XRN1: variants seen among roughly 807,000 people sequenced by gnomAD.
XRN1 encodes 5'-3' exoribonuclease 1, also known as strand-exchange protein 1 homolog.
A neutral mutation model predicts 222.3 loss-of-function variants in XRN1; 67 were observed. The ratio of observed to expected loss-of-function variants is 0.30; its 90% CI spans 0.25 to 0.37. The LOEUF is 0.37. Among genes scored for constraint, XRN1 ranks in the 10% least tolerant of loss-of-function variants. XRN1 has a pLI of 1.00. For missense variants in XRN1, 1,707 were observed against 2,000.2 expected (o/e 0.85, Z 2.80); for synonymous variants, 643 against 652.4 (o/e 0.99, Z 0.22).
rs78622572 is a variant in XRN1 at position 142,351,759 on chromosome 3, G to C, written c.3768+3642C>G. On this transcript the variant is annotated intron_variant, in intron 32 of 40. Coordinates refer to ENST00000392981, the MANE Select transcript of XRN1 (RefSeq NM_001282857.2). ...CTAAGTATTACTAATCTATATCTCT[G>C]ATTTGAACCTCAGTCAAGATTTAAT... is the stretch of plus-strand genomic sequence containing the variant. Among the ~76,000 whole-genome samples the C allele has an allele frequency of 8.7e-3, 1,322 of 151,814 alleles. 24 individuals are homozygous for C. The highest frequency in any genetic ancestry group is 0.029 in the African/African-American group (1,209 of 41,406).
intron 33 of XRN1, among the ~76,000 whole-genome samples, chr3:142,338,354 G>A (rs2065902224): frequency 6.6e-6 from 1 of 152,114 alleles, no homozygotes; most frequent in African/African-American, 2.4e-5. Context: ...ACACGCCCTG[G>A]GCCAGAAGGG....
intron 15 of XRN1, among the ~76,000 whole-genome samples, chr3:142,408,927 A>G (rs191382618): frequency 9.9e-5 from 15 of 152,230 alleles, no homozygotes; most frequent in Admixed American, 9.8e-4. Flanking sequence ...CATGCTTTTA[A>G]TTTACATTTA....
intron 37 of XRN1, among the ~76,000 whole-genome samples, chr3:142,328,717 A>ACT (rs2065597755): frequency 2.1e-4 from 1 of 4,844 alleles, no homozygotes; most frequent in Non-Finnish European, 3.8e-4. Flanking sequence ...ATATATATAT[A>ACT]TATATATATA....
Position 142,356,971 on chromosome 3 carries a change from A to G in XRN1, c.3613T>C (p.Ser1205Pro), listed in dbSNP as rs1335457488. Residue 1205 changes from serine (S) to proline (P), a missense_variant, in exon 31 of 41, where the codon TCC becomes CCC. Coordinates refer to ENST00000392981, the MANE Select transcript of XRN1 (RefSeq NM_001282857.2). ...TTGAGGGCTCCCAAATGCCCAGAGG[A>G]AACTGATGAACTTGAGCTATGTTGA... Reference protein sequence around the residue: ...VHQHSSSSSVSSGHLGALNHS... With the variant: ...VHQHSSSSSVPSGHLGALNHS... 1 of 1,614,138 alleles carries G rather than the reference A, an allele frequency of 6.2e-7. No homozygotes were observed. The highest frequency in any genetic ancestry group is 1.7e-5 in the Admixed American group (1 of 60,026).
intron 39 of XRN1, among the ~76,000 whole-genome samples, chr3:142,317,806 T>C (rs974695716): frequency 6.6e-6 from 1 of 152,216 alleles, no homozygotes; most frequent in Non-Finnish European, 1.5e-5. Context: ...CTTATGCTCA[T>C]TTGTAGTCTC....
intron 32 of XRN1, among the ~76,000 whole-genome samples, 197 bp from the exon 33 acceptor site, chr3:142,347,539 A>G (rs570093527): frequency 2.0e-5 from 3 of 152,212 alleles, no homozygotes; most frequent in African/African-American, 7.2e-5. Flanking sequence ...ATCACTCTAG[A>G]TATTTTTTCT....
intron 36 of XRN1, 31 bp downstream of exon 36, chr3:142,332,344 T>C (rs954563237): frequency 1.4e-6 from 2 of 1,459,428 alleles, no homozygotes; most frequent in Non-Finnish European, 1.9e-6. Context: ...TTTAAAATGA[T>C]ATTATTGGTA....
chr3:142,326,536 T>C lies in XRN1; in HGVS notation c.4404+2898A>G, dbSNP rs1413665393. Reference sequence around the variant, plus strand: ...ACAACTTCACTGAATTTATCAATTCTAATAGTTTTTTTCTAAATATAAGAT... The same window carrying C: ...ACAACTTCACTGAATTTATCAATTCCAATAGTTTTTTTCTAAATATAAGAT... On this transcript the variant is annotated intron_variant, in intron 37 of 40. Transcript: ENST00000392981. 5.3e-5 allele frequency among the ~76,000 whole-genome samples: 8 copies of C among 152,048 alleles called. No individual in the cohort carries two copies. The East Asian group carries it at 1.5e-3, about 29-fold the overall frequency.
intron 23 of XRN1, 24 bp downstream of exon 23, chr3:142,380,058 A>C (rs1423041227): frequency 6.4e-7 from 1 of 1,572,750 alleles, no homozygotes; most frequent in Non-Finnish European, 8.7e-7. Flanking sequence ...TTCTAAATGA[A>C]ACAATACAAA....
chr3:142,358,289 T>A (rs11707154), intron 30 of XRN1, among the ~76,000 whole-genome samples: 18,202 of 152,188 alleles, frequency 0.12, 1,128 homozygotes, highest in Non-Finnish European at 0.14. Context: ...GACAAGTATT[T>A]GTGATTTCCA....
chr3:142,400,118 A>C (rs73864538), intron 19 of XRN1, among the ~76,000 whole-genome samples: 10,606 of 152,270 alleles, frequency 0.07, 1,244 homozygotes, highest in African/African-American at 0.24. Flanking sequence ...GGAAGGTTAC[A>C]TATGCTATTA....
intron 27 of XRN1, among the ~76,000 whole-genome samples, chr3:142,367,782 C>T (rs2066865300): frequency 6.6e-6 from 1 of 152,018 alleles, no homozygotes; most frequent in Admixed American, 6.6e-5. Flanking sequence ...ATCCACCCTT[C>T]TCCCAAAGTG....
At chr3:142,434,324 T>C (rs901181576) in intron 1 of XRN1, among the ~76,000 whole-genome samples, 1 of 151,848 alleles carries the variant, frequency 6.6e-6, no homozygotes, top group African/African-American at 2.4e-5. Flanking sequence ...TTCATATCTT[T>C]TTCACACGCT....
chr3:142,353,605 T>C (rs778257143), intron 32 of XRN1, among the ~76,000 whole-genome samples: 5 of 152,124 alleles, frequency 3.3e-5, no homozygotes, highest in Non-Finnish European at 5.9e-5. Context: ...TACATGATGC[T>C]GGATAGCTGG....
chr3:142,326,208 A>G (rs2065512120), intron 37 of XRN1, among the ~76,000 whole-genome samples: 2 of 149,478 alleles, frequency 1.3e-5, no homozygotes, highest in South Asian at 4.2e-4. Context: ...TTTTGAGAGG[A>G]GTTGCACTGT....
rs148007277 is a variant in XRN1 at position 142,315,261 on chromosome 3, T to TTACTG, written c.4622-2508_4622-2504dup. Among the ~76,000 whole-genome samples the TTACTG allele has an allele frequency of 8.2e-3, 1,254 of 152,102 alleles. 17 individuals carry two copies. Among genetic ancestry groups the TTACTG allele is most frequent in the African/African-American group, 0.028 (1,147 of 41,494 alleles). On this transcript the variant is annotated intron_variant, in intron 39 of 40. Coordinates refer to ENST00000392981, the MANE Select transcript of XRN1 (RefSeq NM_001282857.2). ...TCTGTTTTCAAAGCCCATGCTTTTG[T>TTACTG]TACTGTACTGCACTGGCATTCCTTT...
chr3:142,380,758 C>A (rs375836428), intron 22 of XRN1, among the ~76,000 whole-genome samples: 1 of 151,924 alleles, frequency 6.6e-6, no homozygotes, highest in East Asian at 1.9e-4. Flanking sequence ...TTCCTGGGCT[C>A]AAACAATCTT....
intron 15 of XRN1, among the ~76,000 whole-genome samples, chr3:142,410,569 C>A (rs1013424076): frequency 7.2e-6 from 1 of 139,034 alleles, no homozygotes; most frequent in African/African-American, 2.8e-5. Context: ...TCTCTGCTCA[C>A]TGCAACCTCT....
At chr3:142,352,155 A>G (rs1260896702) in intron 32 of XRN1, among the ~76,000 whole-genome samples, 2 of 152,120 alleles carry the variant, frequency 1.3e-5, no homozygotes, top group Admixed American at 6.6e-5. Flanking sequence ...CTTGTTTCCT[A>G]TCTTTTTCAC....
Sources: allele counts gnomAD v4.1 joint callset (sites outside exome capture counted in the v4.1 genomes callset), GRCh38; gene constraint gnomAD v4.1.1; transcripts MANE v1.5; gene names NCBI Gene and HGNC (gene_info 2026-07-23, HGNC 2026-07-21).